COL21A1: variants seen among roughly 807,000 people sequenced by gnomAD.
COL21A1 encodes collagen type XXI alpha 1 chain.
A neutral mutation model predicts 137.9 loss-of-function variants in COL21A1; 149 were observed. The ratio of observed to expected loss-of-function variants is 1.08; its 90% CI spans 0.95 to 1.24. COL21A1 has a LOEUF of 1.24. Among genes scored for constraint, COL21A1 ranks in the 50% most tolerant of loss-of-function variants. COL21A1 has a pLI of 0.00. For synonymous variants in COL21A1, 456 were observed against 391.5 expected (o/e 1.16, Z -1.95); for missense variants, 1,167 against 1,158.4 (o/e 1.01, Z -0.11).
At chr6:56,180,487 A>G (rs1777813715) in intron 2 of COL21A1, among the ~76,000 whole-genome samples, 1 of 152,242 alleles carries the variant, frequency 6.6e-6, no homozygotes, top group Admixed American at 6.5e-5. Context: ...TATTCAGTGA[A>G]TAATGTCAGA....
At chr6:56,227,981 G>A (rs1781317728) in intron 1 of COL21A1, among the ~76,000 whole-genome samples, 1 of 151,898 alleles carries the variant, frequency 6.6e-6, no homozygotes, top group African/African-American at 2.4e-5. Context: ...GATAGTACCT[G>A]AAAATGCTTA....
chr6:56,238,490 C>A lies in COL21A1; in HGVS notation c.-39+8897G>T, dbSNP rs142342066. 3.8e-3 allele frequency among the ~76,000 whole-genome samples: 562 copies of A among 149,564 alleles called. 6 individuals carry two copies. Among genetic ancestry groups the A allele is most frequent in the Middle Eastern group, 0.025 (7 of 284 alleles). The stretch of plus-strand genomic sequence containing the variant: ...CTAAATCCAGGAGCTCACCACAAAC[C>A]ACTTGCAGTTACAAGCGAGACCTGA... On this transcript the variant is annotated intron_variant, in intron 1 of 29. Coordinates refer to ENST00000244728, the MANE Select transcript of COL21A1 (RefSeq NM_030820.4).
At chr6:56,314,692 C>T (rs928272228) in intron 1 of COL21A1, among the ~76,000 whole-genome samples, 1 of 152,136 alleles carries the variant, frequency 6.6e-6, no homozygotes, top group African/African-American at 2.4e-5. Flanking sequence ...TTTCATAGCT[C>T]CAACTTTGGA....
At chr6:56,262,669 T>C (rs1018951843) in intron 1 of COL21A1, among the ~76,000 whole-genome samples, 3 of 152,164 alleles carry the variant, frequency 2.0e-5, no homozygotes, top group Admixed American at 6.5e-5. Flanking sequence ...GGGACTGGGA[T>C]ACAGAGCTGG....
At chr6:56,125,666 T>C in intron 13 of COL21A1, 46 bp from the exon 14 acceptor site, 1 of 1,241,822 alleles carries the variant, frequency 8.1e-7, no homozygotes, top group Non-Finnish European at 1.1e-6. Context: ...AATATGAATA[T>C]TTTTCTTATA....
intron 1 of COL21A1, among the ~76,000 whole-genome samples, chr6:56,328,963 T>A (rs918167048): frequency 1.3e-5 from 2 of 152,014 alleles, no homozygotes; most frequent in Non-Finnish European, 2.9e-5. Flanking sequence ...AGTCGTATAG[T>A]TCAGAGCCTT....
intron 16 of COL21A1, among the ~76,000 whole-genome samples, chr6:56,104,826 C>G (rs180831169): frequency 1.2e-4 from 18 of 152,074 alleles, no homozygotes; most frequent in African/African-American, 4.3e-4. Flanking sequence ...ATGTGTATTT[C>G]CTTTCATGCT....
At chr6:56,128,891 G>A (rs1451964992) in intron 12 of COL21A1, among the ~76,000 whole-genome samples, 1 of 152,106 alleles carries the variant, frequency 6.6e-6, no homozygotes, top group Non-Finnish European at 1.5e-5. Context: ...CTGACCTCAG[G>A]TGATCTACCT....
At chr6:56,168,691 AT>A (rs1468699343) in intron 5 of COL21A1, among the ~76,000 whole-genome samples, 1 of 151,792 alleles carries the variant, frequency 6.6e-6, no homozygotes, top group East Asian at 1.9e-4. Context: ...AATTCAAACA[AT>A]CTTGATCATT....
At chr6:56,116,227 A>C (rs1324794825) in intron 16 of COL21A1, among the ~76,000 whole-genome samples, 3 of 151,980 alleles carry the variant, frequency 2.0e-5, no homozygotes, top group Non-Finnish European at 2.9e-5. Flanking sequence ...TTAATAATCA[A>C]ACTCTACAAG....
At chr6:56,168,407 C>A in intron 5 of COL21A1, 110 bp from the exon 6 acceptor site, 1 of 832,948 alleles carries the variant, frequency 1.2e-6, no homozygotes, top group Non-Finnish European at 1.7e-6. Flanking sequence ...TCATCCCACA[C>A]AGACTGACTG....
intron 12 of COL21A1, among the ~76,000 whole-genome samples, chr6:56,134,543 T>C (rs1430414774): frequency 6.6e-6 from 1 of 152,152 alleles, no homozygotes; most frequent in Non-Finnish European, 1.5e-5. Flanking sequence ...GAAGGCATGA[T>C]TGGTTTTGAA....
At chr6:56,263,279 G>T (rs1298720671) in intron 1 of COL21A1, among the ~76,000 whole-genome samples, 1 of 152,120 alleles carries the variant, frequency 6.6e-6, no homozygotes, top group Non-Finnish European at 1.5e-5. Flanking sequence ...TGAAGGAGAG[G>T]TTCCATTTTA....
At chr6:56,265,828 T>A (rs1479842597) in intron 1 of COL21A1, among the ~76,000 whole-genome samples, 1 of 152,168 alleles carries the variant, frequency 6.6e-6, no homozygotes, top group Non-Finnish European at 1.5e-5. Flanking sequence ...TTTGAAAACA[T>A]TAAATAATGA....
chr6:56,178,700 T>G (rs2152279674), intron 3 of COL21A1, among the ~76,000 whole-genome samples: 1 of 152,192 alleles, frequency 6.6e-6, no homozygotes, highest in South Asian at 2.1e-4. Flanking sequence ...AGCATATCTA[T>G]GCCCTAATAG....
Position 56,067,329 on chromosome 6 carries a change from C to A in COL21A1, c.2093G>T (p.Gly698Val). ...MGLPGIQGKK[G>V]DKGNQGEKGI... The stretch of plus-strand genomic sequence containing the variant: ...TTTTTCACCTTGATTTCCTTTGTCC[C>A]CCTACAAAAAGGCAGTTTGATCTGT... Residue 698 changes from glycine to valine, a missense_variant and splice_region_variant, in exon 23 of 30, where the codon GGG becomes GTG. Gly to Val is a moderately radical substitution (Grantham distance 109). Transcript: ENST00000244728. The A allele has an allele frequency of 6.2e-7, 1 of 1,608,544 alleles. No homozygotes were observed. Among genetic ancestry groups the A allele is most frequent in the Non-Finnish European group, 8.5e-7 (1 of 1,176,494 alleles).
chr6:56,221,004 T>G (rs1225142047), intron 1 of COL21A1, among the ~76,000 whole-genome samples: 2 of 152,164 alleles, frequency 1.3e-5, no homozygotes. Context: ...CTGCCTCTTG[T>G]TAATTGATAT....
chr6:56,255,661 G>A (rs978998619), intron 1 of COL21A1, among the ~76,000 whole-genome samples: 2 of 152,192 alleles, frequency 1.3e-5, no homozygotes, highest in African/African-American at 2.4e-5. Context: ...ATACTTACAA[G>A]GATGCCAAGT....
chr6:56,322,203 T>A (rs1305086236), intron 1 of COL21A1, among the ~76,000 whole-genome samples: 1 of 152,092 alleles, frequency 6.6e-6, no homozygotes, highest in Non-Finnish European at 1.5e-5. Flanking sequence ...ATCAGTGAGA[T>A]GCACTGAAAA....
Sources: gnomAD v4.1 joint callset for allele counts (sites outside exome capture counted in the v4.1 genomes callset) on GRCh38, gnomAD v4.1.1 for gene constraint, MANE v1.5 for transcripts, NCBI Gene and HGNC (gene_info 2026-07-23, HGNC 2026-07-21) for gene names.